Variants in GREB1L observed in about 807,000 individuals in gnomAD.
GREB1L encodes the protein GREB1-like protein.
GREB1L carries 17 observed loss-of-function variants against 200.8 expected under a neutral mutation model. That is an observed-to-expected ratio of 0.08 (90% CI 0.06 to 0.13). The LOEUF (loss-of-function observed/expected upper bound fraction) is 0.13, where lower values mean the gene tolerates loss of function less well. GREB1L is among the 10% of genes least tolerant of loss of function. The pLI is 1.00. For synonymous variants in GREB1L, 789 were observed against 893.0 expected (o/e 0.88, Z 2.08); for missense variants, 1,657 against 2,367.7 (o/e 0.70, Z 6.23).
chr18:21,414,184 A>T (rs2031383945), intron 7 of GREB1L, among the ~76,000 whole-genome samples: 1 of 152,242 alleles, frequency 6.6e-6, no homozygotes. Flanking sequence ...AAATCGTGAC[A>T]TACACACATG....
chr18:21,379,521 A>G (rs2040217583), intron 2 of GREB1L, among the ~76,000 whole-genome samples: 1 of 152,200 alleles, frequency 6.6e-6, no homozygotes, highest in Non-Finnish European at 1.5e-5. Flanking sequence ...AAGATTTTCA[A>G]TGATGAAAGG....
intron 14 of GREB1L, chr18:21,452,491 A>G: frequency 2.9e-6 from 1 of 340,622 alleles, no homozygotes; most frequent in Non-Finnish European, 5.3e-6. Context: ...AGATTCCAGG[A>G]CATTGGCTCA....
intron 15 of GREB1L, among the ~76,000 whole-genome samples, chr18:21,456,277 A>C (rs1174106611): frequency 6.6e-6 from 1 of 152,190 alleles, no homozygotes; most frequent in African/African-American, 2.4e-5. Context: ...AGCATGGCTC[A>C]GTGAGAAATC....
At chr18:21,367,750 G>C (rs1226805382) in intron 2 of GREB1L, among the ~76,000 whole-genome samples, 1 of 152,124 alleles carries the variant, frequency 6.6e-6, no homozygotes, top group African/African-American at 2.4e-5. Flanking sequence ...GTTTCTTCCT[G>C]AATGTGGTCA....
At chr18:21,291,039 T>C (rs1418018397) in intron 1 of GREB1L, among the ~76,000 whole-genome samples, 1 of 152,156 alleles carries the variant, frequency 6.6e-6, no homozygotes, top group Non-Finnish European at 1.5e-5. Flanking sequence ...AACATAGTTC[T>C]ATATTTATTC....
intron 1 of GREB1L, among the ~76,000 whole-genome samples, chr18:21,345,171 A>G (rs2039326986): frequency 6.6e-6 from 1 of 152,150 alleles, no homozygotes; most frequent in Non-Finnish European, 1.5e-5. Flanking sequence ...ACCCTATTAG[A>G]TTACTGCTGG....
At chr18:21,242,650 C>A (rs2037519039) in intron 1 of GREB1L, among the ~76,000 whole-genome samples, 2 of 152,180 alleles carry the variant, frequency 1.3e-5, no homozygotes, top group South Asian at 4.1e-4. Context: ...TCGCGTCGCC[C>A]ACCGAAGGGA....
intron 1 of GREB1L, among the ~76,000 whole-genome samples, chr18:21,335,958 C>T (rs1028182087): frequency 6.6e-5 from 10 of 152,070 alleles, no homozygotes; most frequent in Non-Finnish European, 1.2e-4. Context: ...CCACTGCACC[C>T]GGCCGTGTTT....
At chr18:21,343,861 A>G (rs2039304143) in intron 1 of GREB1L, among the ~76,000 whole-genome samples, 1 of 150,482 alleles carries the variant, frequency 6.6e-6, no homozygotes, top group South Asian at 2.1e-4. Context: ...TCAGCCTTCC[A>G]AGTAGCTGAG....
At chr18:21,283,225 C>G (rs1165260304) in intron 1 of GREB1L, among the ~76,000 whole-genome samples, 2 of 151,968 alleles carry the variant, frequency 1.3e-5, no homozygotes, top group Admixed American at 1.3e-4. Context: ...TTGGTAATAC[C>G]TGTTAAATTG....
chr18:21,457,413 C>G (rs2034818111), intron 15 of GREB1L, among the ~76,000 whole-genome samples: 1 of 152,106 alleles, frequency 6.6e-6, no homozygotes, highest in African/African-American at 2.4e-5. Flanking sequence ...TTAAACATAC[C>G]TTTATTTTGT....
At chr18:21,408,794 C>CAAAAAAAAA (rs58262799) in intron 7 of GREB1L, among the ~76,000 whole-genome samples, 1 of 73,616 alleles carries the variant, frequency 1.4e-5, no homozygotes, top group Non-Finnish European at 2.5e-5. Flanking sequence ...AATTCCATCT[C>CAAAAAAAAA]AAAAAAAAAA....
intron 1 of GREB1L, among the ~76,000 whole-genome samples, chr18:21,354,077 C>G (rs534665835): frequency 1.3e-5 from 2 of 152,232 alleles, no homozygotes; most frequent in African/African-American, 4.8e-5. Flanking sequence ...GTGTGAGCCA[C>G]TGTACCCAGC....
At chr18:21,325,806 C>T in intron 1 of GREB1L, among the ~76,000 whole-genome samples, 1 of 119,094 alleles carries the variant, frequency 8.4e-6, no homozygotes, top group African/African-American at 3.3e-5. Context: ...AGAGCAAGAC[C>T]TTGTCTCAAA....
At position 21,500,047 on chromosome 18, in the gene GREB1L, C is replaced by T. The variant is rs142453982; in HGVS notation, c.3710C>T (p.Ala1237Val). The change falls in exon 22 of 33, where the codon GCG (alanine) becomes GTG (valine). Residue 1237 changes from alanine to valine, a missense_variant. By Grantham distance (64) the Ala-to-Val change is moderately conservative. Around this residue, in one of 9 missense-constraint regions of GREB1L, gnomAD observed 512 missense variants for 668.3 expected, o/e 0.77. Transcript: ENST00000424526. ...ALPPVVILSKAAYSLLGSQKS... is the reference protein window; with the variant it reads ...ALPPVVILSKVAYSLLGSQKS... ...CCACCAGTGGTGATCCTATCCAAAGCGGCCTACAGTCTCCTGGGCTCCCAG... is the reference window on the plus strand; with the variant it reads ...CCACCAGTGGTGATCCTATCCAAAGTGGCCTACAGTCTCCTGGGCTCCCAG... 24 of 1,551,592 alleles carry T rather than the reference C, an allele frequency of 1.5e-5. No individual in the cohort carries two copies. The highest frequency in any genetic ancestry group is 7.8e-5 in the Admixed American group (4 of 51,006).
chr18:21,406,270 C>T (rs780646133), intron 7 of GREB1L, among the ~76,000 whole-genome samples: 7 of 152,072 alleles, frequency 4.6e-5, no homozygotes, highest in Non-Finnish European at 8.8e-5. Flanking sequence ...AAGGCTTCCC[C>T]AGTTGCCATC....
intron 27 of GREB1L, among the ~76,000 whole-genome samples, chr18:21,510,711 G>A (rs2037206183): frequency 6.6e-6 from 1 of 152,184 alleles, no homozygotes; most frequent in African/African-American, 2.4e-5. Flanking sequence ...CTAGAAGCGA[G>A]ATTGCTAGAT....
At chr18:21,408,663 G>A (rs1010989980) in intron 7 of GREB1L, among the ~76,000 whole-genome samples, 1 of 151,954 alleles carries the variant, frequency 6.6e-6, no homozygotes, top group East Asian at 1.9e-4. Flanking sequence ...GTGTGGTGGT[G>A]CATGCCTGTA....
intron 1 of GREB1L, among the ~76,000 whole-genome samples, chr18:21,285,710 T>G (rs992313093): frequency 6.6e-6 from 1 of 152,228 alleles, no homozygotes; most frequent in African/African-American, 2.4e-5. Flanking sequence ...AAATAGTGAA[T>G]GAAAACCTGA....
Sources: allele counts gnomAD v4.1 joint callset (sites outside exome capture counted in the v4.1 genomes callset), GRCh38; gene constraint gnomAD v4.1.1; regional missense constraint gnomAD v4.1.1; transcripts MANE v1.5; gene names NCBI Gene and HGNC (gene_info 2026-07-23, HGNC 2026-07-21).